EIF3J: variants seen among roughly 807,000 people sequenced by gnomAD.
EIF3J encodes the protein eukaryotic translation initiation factor 3, subunit 1 (alpha, 35kD).
In EIF3J, 15 loss-of-function variants were observed where a neutral mutation model predicts 39.0. The ratio of observed to expected loss-of-function variants is 0.38; its 90% CI spans 0.26 to 0.59. EIF3J has a LOEUF of 0.59. EIF3J is among the 20% of genes least tolerant of loss of function. The pLI, the probability that EIF3J is intolerant of heterozygous loss-of-function variation, is 0.60. For synonymous variants in EIF3J, 98 were observed against 112.9 expected, an observed-to-expected ratio of 0.87 and a Z score of 0.84; for missense variants, 226 against 308.6, an observed-to-expected ratio of 0.73 and a Z score of 2.00.
intron 2 of EIF3J, among the ~76,000 whole-genome samples, chr15:44,539,435 T>A (rs1161111948): frequency 1.3e-5 from 2 of 151,520 alleles, no homozygotes; most frequent in Non-Finnish European, 2.9e-5. Flanking sequence ...GGAAATGGAG[T>A]CTCGCTCTGT....
chr15:44,537,157 T>G lies in EIF3J; in HGVS notation c.-38T>G. 6.2e-7 allele frequency: 1 copy of G among 1,613,046 alleles called. No individual in the cohort carries two copies. The highest frequency in any genetic ancestry group is 2.2e-5 in the East Asian group (1 of 44,830). On this transcript the variant is annotated 5_prime_UTR_variant, in exon 1 of 8. Coordinates refer to ENST00000261868, the MANE Select transcript of EIF3J (RefSeq NM_003758.4). Reference sequence around the variant, plus strand: ...CACCTCCGCCGTGCTAACTCCTCGCTAGCTCTCCCTCTCACACACGCTCAC... The same window carrying G: ...CACCTCCGCCGTGCTAACTCCTCGCGAGCTCTCCCTCTCACACACGCTCAC...
At chr15:44,555,595 T>G (rs1475673791) in intron 5 of EIF3J, among the ~76,000 whole-genome samples, 1 of 152,222 alleles carries the variant, frequency 6.6e-6, no homozygotes, top group Admixed American at 6.5e-5. Context: ...AGAGAGCTCT[T>G]GGCTGTTAAT....
intron 2 of EIF3J, among the ~76,000 whole-genome samples, chr15:44,545,772 AT>A (rs2082048085): frequency 6.6e-6 from 1 of 152,206 alleles, no homozygotes; most frequent in East Asian, 1.9e-4. Context: ...GTACTGTGTA[AT>A]AGAACACCAG....
At chr15:44,548,155 C>G (rs1326931681) in intron 2 of EIF3J, among the ~76,000 whole-genome samples, 1 of 152,232 alleles carries the variant, frequency 6.6e-6, no homozygotes, top group African/African-American at 2.4e-5. Context: ...GGCATGGTGG[C>G]TCACGCCTGC....
At chr15:44,556,668 C>G (rs1345256656) in intron 5 of EIF3J, among the ~76,000 whole-genome samples, 1 of 152,048 alleles carries the variant, frequency 6.6e-6, no homozygotes, top group African/African-American at 2.4e-5. Context: ...CACCACCATG[C>G]CTGGCTAATT....
At chr15:44,542,068 G>C (rs1249911713) in intron 2 of EIF3J, among the ~76,000 whole-genome samples, 1 of 152,192 alleles carries the variant, frequency 6.6e-6, no homozygotes, top group Non-Finnish European at 1.5e-5. Context: ...CTGAATATGA[G>C]ACAGGTAGGC....
intron 5 of EIF3J, among the ~76,000 whole-genome samples, chr15:44,555,882 A>G (rs1375528627): frequency 6.6e-6 from 1 of 151,784 alleles, no homozygotes; most frequent in African/African-American, 2.4e-5. Flanking sequence ...TTTTTCTAAC[A>G]GGGTCTGGCT....
chr15:44,560,397 T>C (rs576063738), intron 7 of EIF3J, 75 bp downstream of exon 7: 7 of 1,375,458 alleles, frequency 5.1e-6, no homozygotes, highest in Non-Finnish European at 5.0e-6. Context: ...ACAAATATAA[T>C]AGGAGCCTGT....
intron 4 of EIF3J, among the ~76,000 whole-genome samples, chr15:44,552,359 T>C (rs1203826903): frequency 6.6e-6 from 1 of 151,856 alleles, no homozygotes; most frequent in Non-Finnish European, 1.5e-5. Flanking sequence ...GCAATTGTCA[T>C]GCCTCAGCAT....
intron 4 of EIF3J, among the ~76,000 whole-genome samples, chr15:44,554,183 C>T (rs2082124950): frequency 6.6e-6 from 1 of 151,958 alleles, no homozygotes; most frequent in Non-Finnish European, 1.5e-5. Flanking sequence ...TCAAGACCGG[C>T]CTGGCCAACA....
chr15:44,549,599 C>A (rs1232847517), intron 2 of EIF3J, among the ~76,000 whole-genome samples: 1 of 151,410 alleles, frequency 6.6e-6, no homozygotes, highest in Non-Finnish European at 1.5e-5. Context: ...GAAATCCTGT[C>A]TATACTAAAA....
At chr15:44,559,794 T>C (rs1252798416) in intron 6 of EIF3J, among the ~76,000 whole-genome samples, 1 of 152,092 alleles carries the variant, frequency 6.6e-6, no homozygotes, top group Non-Finnish European at 1.5e-5. Context: ...TGGAAGGGCA[T>C]GTTATCCTCC....
chr15:44,537,628 C>G (rs919420628), intron 2 of EIF3J, among the ~76,000 whole-genome samples: 12 of 152,216 alleles, frequency 7.9e-5, no homozygotes, highest in Admixed American at 3.9e-4. Flanking sequence ...ACTCCCTCGC[C>G]GGTTGAGAGT....
intron 2 of EIF3J, among the ~76,000 whole-genome samples, chr15:44,538,412 G>A (rs2081979470): frequency 6.6e-6 from 1 of 151,620 alleles, no homozygotes; most frequent in African/African-American, 2.4e-5. Flanking sequence ...AATGGAAAAT[G>A]ATTTTTTTTT....
chr15:44,555,520 T>C (rs1238421769), intron 5 of EIF3J, among the ~76,000 whole-genome samples: 1 of 152,018 alleles, frequency 6.6e-6, no homozygotes, highest in Non-Finnish European at 1.5e-5. Context: ...ATACCAGGAG[T>C]TGATGTGAAT....
intron 2 of EIF3J, among the ~76,000 whole-genome samples, chr15:44,546,804 CAG>C (rs949047278): frequency 3.7e-5 from 5 of 135,506 alleles, no homozygotes; most frequent in East Asian, 2.5e-4. Flanking sequence ...ATAGAAAAAA[CAG>C]AGTATAGATC....
intron 2 of EIF3J, among the ~76,000 whole-genome samples, chr15:44,544,805 A>T (rs930277360): frequency 6.6e-6 from 1 of 151,814 alleles, no homozygotes; most frequent in African/African-American, 2.4e-5. Context: ...AGAGATCAAG[A>T]TTATCCTGGC....
At chr15:44,554,233 T>C (rs1317598244) in intron 4 of EIF3J, among the ~76,000 whole-genome samples, 2 of 151,806 alleles carry the variant, frequency 1.3e-5, no homozygotes, top group Non-Finnish European at 2.9e-5. Context: ...AAAAATTAGC[T>C]GGATGTGGTG....
intron 2 of EIF3J, 77 bp downstream of exon 2, chr15:44,537,504 C>G: frequency 1.5e-6 from 2 of 1,370,992 alleles, no homozygotes; most frequent in Non-Finnish European, 1.9e-6. Flanking sequence ...CCCCGGGTCG[C>G]TGCCGGGGCC....
Sources: allele counts gnomAD v4.1 joint callset (sites outside exome capture counted in the v4.1 genomes callset), GRCh38; gene constraint gnomAD v4.1.1; transcripts MANE v1.5; gene names NCBI Gene and HGNC (gene_info 2026-07-23, HGNC 2026-07-21).